The following PCDH15 variants were observed in gnomAD, a reference collection of about 807,000 sequenced individuals.
The protein encoded by PCDH15 is protocadherin-15.
PCDH15 carries 129 observed loss-of-function variants against 178.5 expected under a neutral mutation model. The observed-to-expected ratio is 0.72, with a 90% CI of 0.63 to 0.84. The LOEUF (loss-of-function observed/expected upper bound fraction) is 0.84, where lower values mean the gene tolerates loss of function less well. Among genes scored for constraint, PCDH15 ranks in the 40% least tolerant of loss-of-function variants. The probability of loss-of-function intolerance (pLI) is 0.00; values close to 1 mark genes in which losing one functional copy is unlikely to be tolerated. For synonymous variants in PCDH15, 800 were observed against 732.0 expected (o/e 1.09, Z -1.50); for missense variants, 2,230 against 2,099.9 (o/e 1.06, Z -1.21).
chr10:55,188,596 AT>A (rs1383821404), intron 1 of PCDH15, among the ~76,000 whole-genome samples: 1 of 151,836 alleles, frequency 6.6e-6, no homozygotes, highest in African/African-American at 2.4e-5. Flanking sequence ...GTGTTTTTCC[AT>A]TTTGCACAGC....
At chr10:54,947,115 T>C (rs771454082) in intron 2 of PCDH15, among the ~76,000 whole-genome samples, 2 of 151,902 alleles carry the variant, frequency 1.3e-5, no homozygotes, top group Non-Finnish European at 2.9e-5. Flanking sequence ...ACAGCTATTA[T>C]GTATAAGACA....
At chr10:55,540,355 G>A (rs1409644994) in intron 2 of PCDH15, among the ~76,000 whole-genome samples, 1 of 151,972 alleles carries the variant, frequency 6.6e-6, no homozygotes, top group East Asian at 1.9e-4. Flanking sequence ...ATCTTATCAA[G>A]TCATTTAAAT....
intron 2 of PCDH15, among the ~76,000 whole-genome samples, chr10:55,122,049 G>T (rs1203938794): frequency 6.6e-6 from 1 of 152,154 alleles, no homozygotes; most frequent in Non-Finnish European, 1.5e-5. Flanking sequence ...ATAGGAAAAA[G>T]AAGGAGTTAT....
intron 1 of PCDH15, among the ~76,000 whole-genome samples, chr10:55,228,681 C>CAAA (rs1261732409): frequency 6.6e-6 from 1 of 151,888 alleles, no homozygotes; most frequent in African/African-American, 2.4e-5. Flanking sequence ...ATTACCCTAG[C>CAAA]AAATATACAT....
At chr10:54,993,135 A>G (rs1258005755) in intron 2 of PCDH15, among the ~76,000 whole-genome samples, 1 of 152,186 alleles carries the variant, frequency 6.6e-6, no homozygotes, top group Non-Finnish European at 1.5e-5. Context: ...GATTGGTTTG[A>G]GATACGACTG....
intron 28 of PCDH15, among the ~76,000 whole-genome samples, chr10:53,849,681 G>A (rs1274855984): frequency 6.6e-6 from 1 of 151,638 alleles, no homozygotes. Context: ...TGGCTAACAC[G>A]GTGAAACCTC....
intron 15 of PCDH15, among the ~76,000 whole-genome samples, chr10:54,122,752 A>G (rs1183600983): frequency 6.6e-6 from 1 of 152,098 alleles, no homozygotes; most frequent in Non-Finnish European, 1.5e-5. Context: ...ATACACCAAT[A>G]ACTAAGAGCC....
At chr10:55,510,586 G>A (rs888737304) in intron 2 of PCDH15, among the ~76,000 whole-genome samples, 1 of 151,828 alleles carries the variant, frequency 6.6e-6, no homozygotes. Flanking sequence ...GCTAAGTATA[G>A]ATTCAGGTGT....
intron 3 of PCDH15, among the ~76,000 whole-genome samples, chr10:54,520,092 C>T (rs2138151969): frequency 6.6e-6 from 1 of 152,306 alleles, no homozygotes; most frequent in Non-Finnish European, 1.5e-5. Flanking sequence ...ATATGTTACA[C>T]TTAAAGCCAT....
At chr10:55,520,138 GTATA>G (rs1301736979) in intron 2 of PCDH15, among the ~76,000 whole-genome samples, 1 of 112,712 alleles carries the variant, frequency 8.9e-6, no homozygotes, top group Non-Finnish European at 1.8e-5. Flanking sequence ...CACGCAATGT[GTATA>G]TATATATACA....
chr10:54,940,601 A>G (rs746455330), intron 2 of PCDH15, among the ~76,000 whole-genome samples: 28 of 151,990 alleles, frequency 1.8e-4, no homozygotes, highest in Non-Finnish European at 3.8e-4. Context: ...TGATCTTTCT[A>G]CTTGTTCCAT....
intron 18 of PCDH15, among the ~76,000 whole-genome samples, chr10:54,058,758 A>G (rs1019079776): frequency 6.6e-6 from 1 of 150,502 alleles, no homozygotes; most frequent in Non-Finnish European, 1.5e-5. Context: ...CAGTGGTGCA[A>G]TCTCAACTCA....
chr10:54,508,021 C>T (rs1411112624), intron 3 of PCDH15, among the ~76,000 whole-genome samples: 1 of 151,976 alleles, frequency 6.6e-6, no homozygotes, highest in Non-Finnish European at 1.5e-5. Flanking sequence ...ATTACTTCCT[C>T]TAACCTGCAT....
intron 8 of PCDH15, among the ~76,000 whole-genome samples, chr10:54,304,193 CATT>C (rs371846569): frequency 6.6e-5 from 10 of 152,160 alleles, no homozygotes; most frequent in African/African-American, 2.2e-4. Flanking sequence ...TCACCCATAT[CATT>C]GTTTCCCGTT....
At chr10:55,588,530 G>A (rs190576780) in intron 2 of PCDH15, among the ~76,000 whole-genome samples, 30 of 152,212 alleles carry the variant, frequency 2.0e-4, no homozygotes, top group Non-Finnish European at 4.1e-4. Flanking sequence ...GTTCTGGTAT[G>A]ACAATAACAA....
At chr10:54,876,639 G>A (rs1234426961) in intron 3 of PCDH15, among the ~76,000 whole-genome samples, 1 of 152,176 alleles carries the variant, frequency 6.6e-6, no homozygotes, top group Admixed American at 6.5e-5. Context: ...GGAAGTAACT[G>A]CAGATGTGGT....
chr10:55,170,665 C>T (rs1024038292), intron 1 of PCDH15, among the ~76,000 whole-genome samples: 4 of 151,958 alleles, frequency 2.6e-5, no homozygotes, highest in Admixed American at 6.6e-5. Context: ...GGGTGGATCA[C>T]GAGGTCAGGA....
intron 1 of PCDH15, among the ~76,000 whole-genome samples, chr10:55,184,900 G>T (rs1839754186): frequency 6.6e-6 from 1 of 151,810 alleles, no homozygotes. Flanking sequence ...TAGAAAATGA[G>T]TTAAACTAAT....
intron 1 of PCDH15, among the ~76,000 whole-genome samples, chr10:55,195,151 G>A (rs1157691544): frequency 6.6e-6 from 1 of 151,518 alleles, no homozygotes; most frequent in Non-Finnish European, 1.5e-5. Flanking sequence ...AGTCTCCTGA[G>A]TAGCTGGGAT....
Sources: gnomAD v4.1 joint callset for allele counts (sites outside exome capture counted in the v4.1 genomes callset) on GRCh38, gnomAD v4.1.1 for gene constraint, MANE v1.5 for transcripts, NCBI Gene and HGNC (gene_info 2026-07-23, HGNC 2026-07-21) for gene names.